The following BAG4 variants were observed in gnomAD, a reference collection of about 807,000 sequenced individuals.
The protein encoded by BAG4 is BAG cochaperone 4, also known as BAG family molecular chaperone regulator 4.
BAG4 carries 28 observed loss-of-function variants against 52.1 expected under a neutral mutation model. The ratio of observed to expected loss-of-function variants is 0.54; its 90% CI spans 0.40 to 0.74. The LOEUF is 0.74. BAG4 is among the 30% of genes least tolerant of loss of function. The probability of loss-of-function intolerance (pLI) is 0.00; values close to 1 mark genes in which losing one functional copy is unlikely to be tolerated. For synonymous variants in BAG4, 208 were observed against 217.0 expected (o/e 0.96, Z 0.37); for missense variants, 525 against 572.0 (o/e 0.92, Z 0.84).
At chr8:38,192,619 T>C (rs1803495050) in intron 1 of BAG4, 69 bp from the exon 2 acceptor site, 1 of 1,235,372 alleles carries the variant, frequency 8.1e-7, no homozygotes, top group Admixed American at 2.2e-5. Flanking sequence ...ATAACCTGCC[T>C]CTATCAATCT....
chr8:38,177,571 T>C (rs538643317), intron 1 of BAG4, among the ~76,000 whole-genome samples: 1 of 152,270 alleles, frequency 6.6e-6, no homozygotes, highest in East Asian at 1.9e-4. Context: ...AAGGAACCTT[T>C]GCGAGGAGGA....
chr8:38,184,792 T>C (rs1803336222), intron 1 of BAG4, among the ~76,000 whole-genome samples: 1 of 151,902 alleles, frequency 6.6e-6, no homozygotes, highest in Admixed American at 6.6e-5. Context: ...GAGCCAAGTA[T>C]AGAATGCTGT....
In BAG4 at chr8:38,211,228, A is replaced by T. The variant is rs1585670097; in HGVS notation, c.*735A>T. 5 of 109,888 alleles carry T rather than the reference A, an allele frequency of 4.6e-5. No homozygotes were observed. Among genetic ancestry groups the T allele is most frequent in the African/African-American group, 1.1e-4 (3 of 27,962 alleles). 6.8% of individuals were successfully genotyped at this position (109,888 alleles called of 1,614,324 possible). ...TTTTTTTTTTTTTTTTTTTTTTACC[A>T]CTTCTGCTGTTCATGGTAGTAGTGG... On this transcript the variant is annotated 3_prime_UTR_variant, in exon 5 of 5. Transcript: ENST00000287322.
chr8:38,178,530 G>T (rs974136740), intron 1 of BAG4, among the ~76,000 whole-genome samples: 1 of 152,162 alleles, frequency 6.6e-6, no homozygotes, highest in African/African-American at 2.4e-5. Flanking sequence ...TTCTTTATTC[G>T]AATACAGGAA....
At position 38,212,691 on chromosome 8, in the gene BAG4, T is replaced by G. The variant is rs1330797327; in HGVS notation, c.*2198T>G. 1.3e-5 allele frequency: 2 copies of G among 152,174 alleles called. No individual in the cohort carries two copies. The highest frequency in any genetic ancestry group is 4.8e-5 in the African/African-American group (2 of 41,446). The allele number at this position is 152,174 out of a possible 1,614,324, so 9.4% of individuals were successfully genotyped here. On this transcript the variant is annotated 3_prime_UTR_variant, in exon 5 of 5. Transcript: ENST00000287322. ...TGATGTTGTAATGTATTTCTGGTGT[T>G]GTTAACCTTGATCACTATGCTAAGG... is the stretch of plus-strand genomic sequence containing the variant.
intron 3 of BAG4, 146 bp downstream of exon 3, chr8:38,207,912 GGC>G: frequency 9.8e-7 from 1 of 1,024,834 alleles, no homozygotes; most frequent in African/African-American, 1.6e-5. Flanking sequence ...TCTTATTTGT[GGC>G]AGCTATTGCA....
intron 1 of BAG4, among the ~76,000 whole-genome samples, chr8:38,192,407 G>A (rs1298345427): frequency 6.6e-6 from 1 of 152,014 alleles, no homozygotes; most frequent in Admixed American, 6.6e-5. Context: ...TGAATAATTA[G>A]CAGTTTTATA....
intron 2 of BAG4, among the ~76,000 whole-genome samples, chr8:38,195,761 T>C (rs1803551782): frequency 6.6e-6 from 1 of 152,218 alleles, no homozygotes; most frequent in Non-Finnish European, 1.5e-5. Flanking sequence ...GTTACATAGT[T>C]GTGGTTTGGC....
chr8:38,186,246 A>G (rs944813435), intron 1 of BAG4, among the ~76,000 whole-genome samples: 1 of 151,390 alleles, frequency 6.6e-6, no homozygotes, highest in African/African-American at 2.4e-5. Flanking sequence ...GATCTCCTTT[A>G]CCCTTGCTTT....
At chr8:38,187,936 C>G (rs901274950) in intron 1 of BAG4, among the ~76,000 whole-genome samples, 2 of 145,322 alleles carry the variant, frequency 1.4e-5, no homozygotes, top group African/African-American at 5.1e-5. Context: ...ACTTGGGAGG[C>G]TGAGGCAGGA....
chr8:38,193,953 G>A (rs7815101), intron 2 of BAG4, among the ~76,000 whole-genome samples: 33,325 of 152,016 alleles, frequency 0.22, 3,890 homozygotes, highest in East Asian at 0.31. Flanking sequence ...TGGCCAGTAT[G>A]GTCTCAATCT....
intron 2 of BAG4, among the ~76,000 whole-genome samples, chr8:38,195,592 A>G (rs1038212839): frequency 7.2e-5 from 11 of 152,186 alleles, no homozygotes; most frequent in African/African-American, 2.7e-4. Flanking sequence ...TGCCTGGCCT[A>G]TAATAATCAT....
intron 1 of BAG4, among the ~76,000 whole-genome samples, chr8:38,185,582 G>C (rs190837271): frequency 6.6e-6 from 1 of 152,130 alleles, no homozygotes; most frequent in Non-Finnish European, 1.5e-5. Flanking sequence ...TTTAGACAGA[G>C]TCTCGCTCTG....
Position 38,192,701 on chromosome 8 carries a change from A to G in BAG4, c.284A>G (p.Tyr95Cys). 6.2e-7 allele frequency: 1 copy of G among 1,610,870 alleles called. No homozygotes were observed. The highest frequency in any genetic ancestry group is 8.5e-7 in the Non-Finnish European group (1 of 1,178,982). ...TTTTTTTCTTAGGAGCAGCCACCAT[A>G]TCCTAGCTACAATTCTAACTATTGG... ...AGGSHQEQPP[Y>C]PSYNSNYWNS... Residue 95 changes from tyrosine to cysteine, a missense_variant, in exon 2 of 5, where the codon TAT (tyrosine) becomes TGT (cysteine). Tyr to Cys is a radical substitution (Grantham distance 194, BLOSUM62 -2). This residue lies in a region of BAG4 where 287 missense variants were observed against 266.1 expected (regional missense o/e 1.08). Transcript: ENST00000287322.
At chr8:38,200,748 G>A (rs1002503715) in intron 2 of BAG4, among the ~76,000 whole-genome samples, 7 of 152,060 alleles carry the variant, frequency 4.6e-5, no homozygotes, top group South Asian at 2.1e-4. Flanking sequence ...ACAGGCATGC[G>A]CCACCACGCC....
rs758224495 is a variant in BAG4, at chr8:38,211,202, C to CTTTTTT, written c.*726_*731dup. On this transcript the variant is annotated 3_prime_UTR_variant, in exon 5 of 5. Transcript: ENST00000287322. ...ATCATTAGGTTAGAGTTTTTTTCTT[C>CTTTTTT]TTTTTTTTTTTTTTTTTTTTTTACC... 1.5e-4 allele frequency: 14 copies of CTTTTTT among 93,668 alleles called. No homozygotes were observed. Among genetic ancestry groups the CTTTTTT allele is most frequent in the African/African-American group, 5.5e-4 (14 of 25,358 alleles). 5.8% of individuals were successfully genotyped at this position (93,668 alleles called of 1,614,324 possible). A position where few individuals can be genotyped will look rare whatever the true frequency, so the allele number is the denominator to read the frequency against.
intron 1 of BAG4, among the ~76,000 whole-genome samples, chr8:38,184,675 C>A (rs1396038557): frequency 6.6e-6 from 1 of 152,082 alleles, no homozygotes. Context: ...CAGGAAGAAG[C>A]AAGTCCACTG....
intron 1 of BAG4, among the ~76,000 whole-genome samples, chr8:38,188,577 AC>A (rs989345636): frequency 4.6e-5 from 7 of 150,606 alleles, no homozygotes; most frequent in African/African-American, 1.7e-4. Flanking sequence ...ACATATATAT[AC>A]GTGTATACAC....
intron 1 of BAG4, among the ~76,000 whole-genome samples, chr8:38,187,254 G>A (rs1417638672): frequency 6.6e-6 from 1 of 152,092 alleles, no homozygotes; most frequent in Non-Finnish European, 1.5e-5. Flanking sequence ...TAAAGAGATA[G>A]CAATTATATA....
Sources: gnomAD v4.1 joint callset for allele counts (sites outside exome capture counted in the v4.1 genomes callset) on GRCh38, gnomAD v4.1.1 for gene constraint, gnomAD v4.1.1 regional missense constraint, MANE v1.5 for transcripts, NCBI Gene and HGNC (gene_info 2026-07-23, HGNC 2026-07-21) for gene names.